The following CHCHD6 variants were observed in gnomAD, a reference collection of about 807,000 sequenced individuals.
CHCHD6 encodes the protein coiled-coil-helix-coiled-coil-helix domain containing 6.
A neutral mutation model predicts 32.3 loss-of-function variants in CHCHD6; 28 were observed. That is an observed-to-expected ratio of 0.87 (90% CI 0.64 to 1.19). The LOEUF (loss-of-function observed/expected upper bound fraction) is 1.19. CHCHD6 is among the 50% of genes most tolerant of loss of function. The pLI is 0.00. For synonymous variants in CHCHD6, 122 were observed against 117.5 expected (o/e 1.04, Z -0.25); for missense variants, 333 against 307.0 (o/e 1.08, Z -0.63).
intron 1 of CHCHD6, 75 bp from the exon 2 acceptor site, chr3:126,727,003 G>A (rs1935563015): frequency 2.0e-6 from 2 of 1,022,158 alleles, no homozygotes; most frequent in South Asian, 2.7e-5. Flanking sequence ...TCTGGGGCCT[G>A]AATAAAGAGG....
intron 6 of CHCHD6, among the ~76,000 whole-genome samples, chr3:126,952,222 C>G (rs1055451005): frequency 1.3e-5 from 2 of 152,164 alleles, no homozygotes; most frequent in African/African-American, 4.8e-5. Context: ...CTCCTGTAGG[C>G]TAGACTTGGG....
intron 1 of CHCHD6, among the ~76,000 whole-genome samples, chr3:126,708,919 T>A (rs1173046666): frequency 6.6e-6 from 1 of 152,182 alleles, no homozygotes; most frequent in Non-Finnish European, 1.5e-5. Context: ...CTCTTGGTCT[T>A]TCAATGACCT....
intron 3 of CHCHD6, among the ~76,000 whole-genome samples, chr3:126,731,238 CTG>C (rs1188239868): frequency 6.6e-6 from 1 of 151,686 alleles, no homozygotes; most frequent in Non-Finnish European, 1.5e-5. Context: ...CCAGTGCTAA[CTG>C]TGGTTGTCCA....
At chr3:126,828,285 C>T (rs1940491603) in intron 4 of CHCHD6, among the ~76,000 whole-genome samples, 1 of 152,216 alleles carries the variant, frequency 6.6e-6, no homozygotes, top group Non-Finnish European at 1.5e-5. Context: ...TTGGATGCTC[C>T]ACAGGTCCCA....
chr3:126,822,469 G>A (rs1049069642), intron 4 of CHCHD6, among the ~76,000 whole-genome samples: 49 of 152,102 alleles, frequency 3.2e-4, no homozygotes, highest in African/African-American at 1.2e-3. Flanking sequence ...TTGATTACTG[G>A]ACTTTATAGT....
At chr3:126,931,449 C>T (rs899842012) in intron 6 of CHCHD6, among the ~76,000 whole-genome samples, 1 of 152,212 alleles carries the variant, frequency 6.6e-6, no homozygotes, top group Non-Finnish European at 1.5e-5. Context: ...CTTGGTGAGG[C>T]TGCTGCAGGG....
intron 4 of CHCHD6, among the ~76,000 whole-genome samples, chr3:126,757,503 A>G (rs1409150371): frequency 2.0e-5 from 3 of 152,214 alleles, no homozygotes; most frequent in Non-Finnish European, 4.4e-5. Flanking sequence ...TCATTGGGAA[A>G]GTAGAGAAAG....
At chr3:126,886,018 G>A (rs917569919) in intron 5 of CHCHD6, among the ~76,000 whole-genome samples, 1 of 152,208 alleles carries the variant, frequency 6.6e-6, no homozygotes, top group Non-Finnish European at 1.5e-5. Context: ...AGCCATGCTA[G>A]AAAGAAGGCC....
intron 5 of CHCHD6, among the ~76,000 whole-genome samples, chr3:126,891,908 T>C (rs1263053131): frequency 6.6e-6 from 1 of 152,032 alleles, no homozygotes. Flanking sequence ...GGTGGCCCCG[T>C]GTTCTGGGGT....
intron 5 of CHCHD6, among the ~76,000 whole-genome samples, chr3:126,854,701 T>C (rs1941597370): frequency 6.6e-6 from 1 of 152,190 alleles, no homozygotes; most frequent in Non-Finnish European, 1.5e-5. Flanking sequence ...TTTTTCCCCC[T>C]ATTTCCTTTA....
At chr3:126,931,053 A>G (rs1419343243) in intron 6 of CHCHD6, among the ~76,000 whole-genome samples, 1 of 152,214 alleles carries the variant, frequency 6.6e-6, no homozygotes, top group African/African-American at 2.4e-5. Flanking sequence ...GTCATCAGAA[A>G]GTCCTGGGGC....
At chr3:126,848,509 G>A (rs943402651) in intron 4 of CHCHD6, among the ~76,000 whole-genome samples, 1 of 152,140 alleles carries the variant, frequency 6.6e-6, no homozygotes, top group South Asian at 2.1e-4. Flanking sequence ...AATGCTAGCT[G>A]GATATCTGAT....
intron 5 of CHCHD6, among the ~76,000 whole-genome samples, chr3:126,873,306 CT>C (rs2077500787): frequency 2.0e-5 from 3 of 152,240 alleles, no homozygotes; most frequent in Admixed American, 6.5e-5. Flanking sequence ...GAAGGTTTGT[CT>C]TTTTTTCCCC....
intron 1 of CHCHD6, among the ~76,000 whole-genome samples, chr3:126,713,323 G>A (rs1934850490): frequency 1.3e-5 from 2 of 152,146 alleles, no homozygotes; most frequent in African/African-American, 4.8e-5. Context: ...CCAGCTTCTT[G>A]TGTCCCGGGG....
At position 126,886,213 on chromosome 3, in the gene CHCHD6, T is replaced by C. The variant is rs79857970; in HGVS notation, c.496-28467T>C. On this transcript the variant is annotated intron_variant, in intron 5 of 7. Transcript: ENST00000290913. ...CTTTAATAACAAACTTTTATAGATA[T>C]AAAGCAACAGTAGTTTCCCCTGATT... 5.8e-3 allele frequency among the ~76,000 whole-genome samples: 876 copies of C among 152,332 alleles called. 10 individuals carry two copies. The highest frequency in any genetic ancestry group is 0.02 in the African/African-American group (841 of 41,564).
chr3:126,800,568 C>A lies in CHCHD6; in HGVS notation c.412-52079C>A, dbSNP rs1201366386. Among the ~76,000 whole-genome samples the A allele has an allele frequency of 2.6e-5, 4 of 152,132 alleles. No homozygotes were observed. The East Asian group carries it at 7.7e-4, about 29-fold the overall frequency. ...AAGTCTGTGTGAGACACAGTCAGAT[C>A]CCCTCTGTGATCTGATAAAACTACG... On this transcript the variant is annotated intron_variant, in intron 4 of 7. Transcript: ENST00000290913.
intron 4 of CHCHD6, among the ~76,000 whole-genome samples, chr3:126,778,005 C>T (rs1245230068): frequency 6.6e-6 from 1 of 152,164 alleles, no homozygotes; most frequent in Non-Finnish European, 1.5e-5. Flanking sequence ...TCTGAACATG[C>T]CATATAAATG....
chr3:126,870,914 T>A (rs956042164), intron 5 of CHCHD6, among the ~76,000 whole-genome samples: 2 of 152,238 alleles, frequency 1.3e-5, no homozygotes, highest in African/African-American at 4.8e-5. Context: ...TTTGCTGAAT[T>A]GGACATTGTC....
At chr3:126,801,264 CCTCA>C (rs1232982612) in intron 4 of CHCHD6, among the ~76,000 whole-genome samples, 3 of 152,210 alleles carry the variant, frequency 2.0e-5, no homozygotes, top group Non-Finnish European at 4.4e-5. Flanking sequence ...CGAGGCATTG[CCTCA>C]CTCAGGAAGC....
Sources: gnomAD v4.1 joint callset for allele counts (sites outside exome capture counted in the v4.1 genomes callset) on GRCh38, gnomAD v4.1.1 for gene constraint, MANE v1.5 for transcripts, NCBI Gene and HGNC (gene_info 2026-07-23, HGNC 2026-07-21) for gene names.